Variants in GAB3 observed in about 807,000 individuals in gnomAD.
GAB3 encodes the protein GRB2 associated binding protein 3, also known as GRB2-associated-binding protein 3.
In GAB3, 12 loss-of-function variants were observed where a neutral mutation model predicts 40.4. The ratio of observed to expected loss-of-function variants is 0.30; its 90% CI spans 0.19 to 0.48. GAB3 has a LOEUF of 0.48. Ranked by LOEUF, GAB3 falls within the 20% of genes least tolerant of loss-of-function variation. GAB3 has a pLI of 0.99. For synonymous variants in GAB3, 154 were observed against 176.7 expected (o/e 0.87, Z 1.02); for missense variants, 381 against 461.9 (o/e 0.82, Z 1.61).
At chrX:154,679,966 T>C (rs782787399) in intron 9 of GAB3, among the ~76,000 whole-genome samples, 166 bp downstream of exon 9, 5 of 112,153 alleles carry the variant, frequency 4.5e-5, no homozygotes, top group Non-Finnish European at 7.5e-5. Flanking sequence ...TACACCAAGA[T>C]TTCATTCTCT....
intron 1 of GAB3, among the ~76,000 whole-genome samples, chrX:154,727,514 G>A (rs1386752084): frequency 8.9e-6 from 1 of 112,790 alleles, no homozygotes; most frequent in Non-Finnish European, 1.9e-5. Context: ...GCCTGGCACA[G>A]GATAGTTGCT....
intron 1 of GAB3, among the ~76,000 whole-genome samples, chrX:154,724,286 G>C (rs1350859672): frequency 1.8e-5 from 2 of 110,193 alleles, no homozygotes; most frequent in African/African-American, 6.6e-5. Context: ...GGAGGTTGCA[G>C]TTAGCCGAGA....
At chrX:154,695,199 G>A (rs1417098058) in intron 8 of GAB3, among the ~76,000 whole-genome samples, 1 of 111,482 alleles carries the variant, frequency 9.0e-6, no homozygotes, top group African/African-American at 3.3e-5. Context: ...TGCAGAACAG[G>A]CACTGTCATG....
chrX:154,739,347 T>C (rs2071405223), intron 1 of GAB3, among the ~76,000 whole-genome samples: 1 of 111,404 alleles, frequency 9.0e-6, no homozygotes. Context: ...AATGGATGAA[T>C]GGAAAAAGAA....
chrX:154,718,729 G>A (rs1557258126), intron 1 of GAB3, among the ~76,000 whole-genome samples: 2 of 111,320 alleles, frequency 1.8e-5, no homozygotes, highest in African/African-American at 6.6e-5. Flanking sequence ...TGTGCCTGCT[G>A]AGGAAAGCTT....
rs1205293788 is a variant in GAB3, at chrX:154,716,081, C to T, written c.321G>A (p.Val107=). Residue 107 remains valine, a synonymous_variant, in exon 2 of 10, where the codon GTG becomes GTA. Coordinates refer to ENST00000424127, the MANE Select transcript of GAB3 (RefSeq NM_001081573.3). Reference sequence around the variant, plus strand: ...AGACCTGACTGATGCTGTGCACCCACACCTGCATTTCTTGCTCAGTTTTGG... The same window carrying T: ...AGACCTGACTGATGCTGTGCACCCATACCTGCATTTCTTGCTCAGTTTTGG... ...LVAKTEQEMQ[V]WVHSISQVCN... The T allele has an allele frequency of 1.7e-6, 2 of 1,211,067 alleles. No homozygotes were observed. The highest frequency in any genetic ancestry group is 1.8e-5 in the South Asian group (1 of 56,928).
chrX:154,712,900 C>T (rs1437021086), intron 3 of GAB3, among the ~76,000 whole-genome samples, 199 bp from the exon 4 acceptor site: 6 of 112,174 alleles, frequency 5.3e-5, no homozygotes, highest in Non-Finnish European at 1.1e-4. Context: ...ATCCTCTAAG[C>T]ATCAGATACA....
At chrX:154,742,985 C>T (rs868954670) in intron 1 of GAB3, among the ~76,000 whole-genome samples, 1 of 92,325 alleles carries the variant, frequency 1.1e-5, no homozygotes, top group Non-Finnish European at 2.2e-5. Context: ...AGTGTGTGTA[C>T]ATATATATAT....
At chrX:154,688,956 C>A (rs1557248571) in intron 8 of GAB3, among the ~76,000 whole-genome samples, 2 of 110,884 alleles carry the variant, frequency 1.8e-5, no homozygotes, top group Admixed American at 1.9e-4. Context: ...GGCAGAGACA[C>A]AACAAAAAAA....
intron 1 of GAB3, among the ~76,000 whole-genome samples, chrX:154,720,605 C>CGACAG (rs1344726358): frequency 1.2e-5 from 1 of 83,622 alleles, no homozygotes; most frequent in Non-Finnish European, 2.2e-5. Context: ...CCAGCCTGGG[C>CGACAG]GACAGAGCGA....
chrX:154,705,836 A>C (rs1341039702), intron 4 of GAB3, among the ~76,000 whole-genome samples: 1 of 112,249 alleles, frequency 8.9e-6, no homozygotes, highest in East Asian at 2.8e-4. Flanking sequence ...AAATACAGGA[A>C]AATTTAAAGA....
chrX:154,731,841 C>T (rs1557260002), intron 1 of GAB3, among the ~76,000 whole-genome samples: 1 of 112,285 alleles, frequency 8.9e-6, no homozygotes, highest in African/African-American at 3.2e-5. Context: ...ATTCTAAATG[C>T]TTTAAATTAA....
At chrX:154,739,722 A>C (rs1557260977) in intron 1 of GAB3, among the ~76,000 whole-genome samples, 1 of 110,814 alleles carries the variant, frequency 9.0e-6, no homozygotes, top group Non-Finnish European at 1.9e-5. Flanking sequence ...GTTTTCATCA[A>C]ACATTTAAAA....
chrX:154,685,997 A>C (rs1312702114), intron 8 of GAB3, among the ~76,000 whole-genome samples: 1 of 111,848 alleles, frequency 8.9e-6, no homozygotes, highest in Non-Finnish European at 1.9e-5. Context: ...ATAGATAATG[A>C]TCCTGTATTA....
intron 8 of GAB3, among the ~76,000 whole-genome samples, chrX:154,687,448 G>A (rs2070472853): frequency 9.1e-6 from 1 of 109,315 alleles, no homozygotes; most frequent in African/African-American, 3.3e-5. Context: ...TGGCTAACAC[G>A]GTGAAACCCC....
At chrX:154,691,676 C>T (rs900876759) in intron 8 of GAB3, among the ~76,000 whole-genome samples, 11 of 111,379 alleles carry the variant, frequency 9.9e-5, no homozygotes, top group African/African-American at 3.6e-4. Flanking sequence ...AAAACCCTGT[C>T]CTTAAAGTTC....
At chrX:154,741,695 AAGGAAAAG>A (rs2071444345) in intron 1 of GAB3, among the ~76,000 whole-genome samples, 1 of 109,434 alleles carries the variant, frequency 9.1e-6, no homozygotes, top group Non-Finnish European at 1.9e-5. Context: ...AAAAAAAAAA[AAGGAAAAG>A]AGGAAAAGGT....
rs187736232 is a variant in GAB3, at chrX:154,686,853, T to C, written c.1531-6605A>G. 2.7e-4 allele frequency among the ~76,000 whole-genome samples: 30 copies of C among 111,580 alleles called. No homozygotes were observed. The East Asian group carries it at 7.3e-3, about 27-fold the overall frequency. On this transcript the variant is annotated intron_variant, in intron 8 of 9. Transcript: ENST00000424127. Reference sequence around the variant, plus strand: ...TCTAATAGGACACACATAAGATCTATGTAAAAATTACAAAATTATGAGGGG... The same window carrying C: ...TCTAATAGGACACACATAAGATCTACGTAAAAATTACAAAATTATGAGGGG...
intron 4 of GAB3, among the ~76,000 whole-genome samples, chrX:154,711,239 AAGAG>A (rs377122385): frequency 1.1e-4 from 12 of 112,235 alleles, no homozygotes; most frequent in African/African-American, 3.9e-4. Context: ...GAGAGAAAGA[AAGAG>A]AGAGAAGAAA....
Sources: allele counts gnomAD v4.1 joint callset (sites outside exome capture counted in the v4.1 genomes callset), GRCh38; gene constraint gnomAD v4.1.1; transcripts MANE v1.5; gene names NCBI Gene and HGNC (gene_info 2026-07-23, HGNC 2026-07-21).